The following COLEC10 variants were observed in gnomAD, a reference collection of about 807,000 sequenced individuals.
The protein encoded by COLEC10 is collectin subfamily member 10, also known as collectin-10.
A neutral mutation model predicts 28.4 loss-of-function variants in COLEC10; 22 were observed. That is an observed-to-expected ratio of 0.78 (90% confidence interval 0.55 to 1.11). COLEC10 has a LOEUF of 1.11. Ranked by LOEUF, COLEC10 falls within the 50% of genes least tolerant of loss-of-function variation. COLEC10 has a pLI of 0.00. For missense variants in COLEC10, 361 were observed against 344.1 expected (o/e 1.05, Z -0.39); for synonymous variants, 125 against 116.1 (o/e 1.08, Z -0.49).
intron 2 of COLEC10, among the ~76,000 whole-genome samples, chr8:119,061,923 C>T (rs1480933796): frequency 6.6e-6 from 1 of 151,978 alleles, no homozygotes. Context: ...GTAAAGGAAA[C>T]TAATAGAAGA....
intron 2 of COLEC10, among the ~76,000 whole-genome samples, chr8:119,031,303 G>T (rs1814283506): frequency 6.6e-6 from 1 of 152,148 alleles, no homozygotes; most frequent in African/African-American, 2.4e-5. Flanking sequence ...TTACCAATAA[G>T]AAGAACACAT....
chr8:119,093,532 G>A (rs749425349), intron 3 of COLEC10, among the ~76,000 whole-genome samples: 8 of 152,158 alleles, frequency 5.3e-5, no homozygotes, highest in Non-Finnish European at 8.8e-5. Context: ...GTCCTCATGT[G>A]TTTCAGTCCT....
chr8:119,066,129 A>G (rs1016159309), upstream of COLEC10, among the ~76,000 whole-genome samples: 2 of 152,164 alleles, frequency 1.3e-5, no homozygotes, highest in Admixed American at 6.5e-5. Context: ...ATATTTTTTC[A>G]GCAGTCAGTC....
chr8:119,005,018 A>G (rs770096917), intron 1 of COLEC10, among the ~76,000 whole-genome samples: 7 of 152,040 alleles, frequency 4.6e-5, no homozygotes, highest in African/African-American at 9.7e-5. Flanking sequence ...TGTTATTTCC[A>G]TGCTCAAAAT....
At chr8:119,093,462 G>A (rs573761344) in intron 3 of COLEC10, among the ~76,000 whole-genome samples, 1 of 152,268 alleles carries the variant, frequency 6.6e-6, no homozygotes, top group Non-Finnish European at 1.5e-5. Flanking sequence ...AGCAATATGA[G>A]CTTCCCATGG....
At chr8:119,069,107 G>A (rs917536296) in intron 1 of COLEC10, among the ~76,000 whole-genome samples, 30 of 152,040 alleles carry the variant, frequency 2.0e-4, no homozygotes, top group Admixed American at 4.6e-4. Context: ...CCTAGCTCTC[G>A]CATCTACATA....
rs528843356 is a variant in COLEC10 at position 119,036,863 on chromosome 8, G to A, written n.235+27310G>A. Among the ~76,000 whole-genome samples, 3 of 152,224 alleles carry A rather than the reference G, an allele frequency of 2.0e-5. No homozygotes were observed. The South Asian group carries it at 6.2e-4, about 32-fold the overall frequency. On this transcript the variant is annotated intron_variant and non_coding_transcript_variant, in intron 2 of 6. Coordinates refer to the COLEC10 transcript ENST00000521788. ...CCTCAAGCTATAATGGAGAGAGGAG[G>A]GAGCAAATACTGAACCTCAAAAGGA... is the stretch of plus-strand genomic sequence containing the variant.
chr8:119,008,530 C>T (rs1050294443), intron 1 of COLEC10, among the ~76,000 whole-genome samples: 1 of 149,864 alleles, frequency 6.7e-6, no homozygotes, highest in Non-Finnish European at 1.5e-5. Flanking sequence ...TTTGGATCCC[C>T]GACAACTCAA....
intron 1 of COLEC10, 52 bp from the exon 2 acceptor site, chr8:119,089,628 C>A: frequency 7.1e-7 from 1 of 1,404,168 alleles, no homozygotes; most frequent in Non-Finnish European, 1.0e-6. Flanking sequence ...GGAGAATGTG[C>A]TCATGTTACT....
At chr8:119,000,777 A>G (rs1185684301) in intron 1 of COLEC10, among the ~76,000 whole-genome samples, 1 of 152,194 alleles carries the variant, frequency 6.6e-6, no homozygotes, top group African/African-American at 2.4e-5. Flanking sequence ...TACGTAAATG[A>G]TTGAGACAAA....
intron 2 of COLEC10, among the ~76,000 whole-genome samples, chr8:119,057,797 G>T (rs919895295): frequency 1.4e-4 from 21 of 152,028 alleles, no homozygotes; most frequent in African/African-American, 4.3e-4. Context: ...AGACATTGTG[G>T]TATATAATTA....
chr8:119,058,508 T>C (rs1329645487), intron 2 of COLEC10, among the ~76,000 whole-genome samples: 2 of 152,010 alleles, frequency 1.3e-5, no homozygotes, highest in African/African-American at 4.8e-5. Flanking sequence ...ATAAAAGGAG[T>C]CACATATTAT....
At chr8:119,097,033 A>G (rs1815733481) in intron 3 of COLEC10, among the ~76,000 whole-genome samples, 1 of 152,146 alleles carries the variant, frequency 6.6e-6, no homozygotes, top group South Asian at 2.1e-4. Context: ...TATATGCCAA[A>G]TGGTTCTATT....
chr8:119,067,102 G>T, upstream of COLEC10: 2 of 580,854 alleles, frequency 3.4e-6, no homozygotes, highest in South Asian at 4.4e-5. Context: ...ACAATGTATG[G>T]TCCATTTGGA....
At chr8:119,076,995 A>G (rs1271029637) in intron 1 of COLEC10, among the ~76,000 whole-genome samples, 4 of 152,210 alleles carry the variant, frequency 2.6e-5, no homozygotes, top group East Asian at 1.9e-4. Flanking sequence ...TCTGGAACCA[A>G]TTTATCAGTG....
intron 2 of COLEC10, among the ~76,000 whole-genome samples, chr8:119,014,198 T>C (rs1035612904): frequency 6.6e-6 from 1 of 150,850 alleles, no homozygotes; most frequent in Non-Finnish European, 1.5e-5. Context: ...GTTTCTGACC[T>C]ACTTCATTTA....
the COLEC10 span, among the ~76,000 whole-genome samples, chr8:118,963,914 T>C: frequency 1.3e-5 from 2 of 152,082 alleles, no homozygotes; most frequent in African/African-American, 4.8e-5. Context: ...AGCAACGAAA[T>C]GGATATGAGC....
At chr8:118,970,531 G>T in the COLEC10 span, among the ~76,000 whole-genome samples, 1 of 151,814 alleles carries the variant, frequency 6.6e-6, no homozygotes, top group Admixed American at 6.6e-5. Context: ...TCTAGGTGGT[G>T]TTCAAAGAAT....
In COLEC10 at chr8:119,076,067, ATTT is replaced by A. The variant is rs11330366; in HGVS notation, c.148+8660_148+8662del. On this transcript the variant is annotated intron_variant, in intron 1 of 5. Coordinates refer to ENST00000332843, the MANE Select transcript of COLEC10 (RefSeq NM_006438.5). The stretch of plus-strand genomic sequence containing the variant: ...AGGCACCCACCACCACGCCCGGCTA[ATTT>A]TTTTTTTTTTTTTTTTTTTTTAAGT... 6.5e-3 allele frequency among the ~76,000 whole-genome samples: 585 copies of A among 90,078 alleles called. 2 individuals are homozygous for A. The highest frequency in any genetic ancestry group is 0.025 in the African/African-American group (529 of 21,072). The allele number at this position is 90,078 out of a possible 152,430, so 59.1% of individuals were successfully genotyped here. A position where few individuals can be genotyped will look rare whatever the true frequency, so the allele number is the denominator to read the frequency against.
Sources: allele counts gnomAD v4.1 joint callset (sites outside exome capture counted in the v4.1 genomes callset), GRCh38; gene constraint gnomAD v4.1.1; transcripts MANE v1.5; gene names NCBI Gene and HGNC (gene_info 2026-07-23, HGNC 2026-07-21).